BCL2L1: variants seen among roughly 807,000 people sequenced by gnomAD.
BCL2L1 encodes BCL2 like 1.
BCL2L1 carries 1 observed loss-of-function variant against 18.7 expected under a neutral mutation model. That is an observed-to-expected ratio of 0.05 (90% CI 0.02 to 0.25). BCL2L1 has a LOEUF of 0.25. Ranked by LOEUF, BCL2L1 falls within the 10% of genes least tolerant of loss-of-function variation. The pLI is 1.00. For missense variants in BCL2L1, 207 were observed against 304.9 expected (o/e 0.68, Z 2.39); for synonymous variants, 103 against 122.7 (o/e 0.84, Z 1.06).
intron 2 of BCL2L1, among the ~76,000 whole-genome samples, chr20:31,719,886 A>C (rs950580589): frequency 6.6e-6 from 1 of 152,214 alleles, no homozygotes; most frequent in Non-Finnish European, 1.5e-5. Flanking sequence ...AAGCAGCCTC[A>C]ATCCCTACTT....
upstream of BCL2L1, chr20:31,723,629 CG>C (rs1195618965): frequency 2.0e-5 from 20 of 985,380 alleles, no homozygotes; most frequent in Non-Finnish European, 2.4e-5. Context: ...CCCGGCGGTC[CG>C]CCCCAGCGCA....
At chr20:31,708,979 A>T (rs1464446407) in intron 2 of BCL2L1, among the ~76,000 whole-genome samples, 1 of 152,174 alleles carries the variant, frequency 6.6e-6, no homozygotes, top group Non-Finnish European at 1.5e-5. Context: ...AGCTTACCTG[A>T]TCTGCAGGTT....
In BCL2L1 at chr20:31,680,617, T is replaced by C. The variant is rs539636385; in HGVS notation, c.565-14531A>G. Among the ~76,000 whole-genome samples, 117 of 152,336 alleles carry C rather than the reference T, an allele frequency of 7.7e-4. 1 individual carries two copies. The highest frequency in any genetic ancestry group is 6.8e-3 in the Middle Eastern group (2 of 294). On this transcript the variant is annotated intron_variant, in intron 2 of 2. Transcript: ENST00000307677. Reference sequence around the variant, plus strand: ...CCTATTTGTAAGCCAGGCTGACCTATGGAGTTGTAGGAAGGCCCAGACAGG... The same window carrying C: ...CCTATTTGTAAGCCAGGCTGACCTACGGAGTTGTAGGAAGGCCCAGACAGG...
intron 2 of BCL2L1, among the ~76,000 whole-genome samples, chr20:31,709,682 A>G (rs530708994): frequency 6.6e-6 from 1 of 151,606 alleles, no homozygotes; most frequent in Non-Finnish European, 1.5e-5. Flanking sequence ...AAATACAAAA[A>G]AAATTAGCCG....
At chr20:31,673,652 A>C (rs947844921) in intron 2 of BCL2L1, among the ~76,000 whole-genome samples, 2 of 152,134 alleles carry the variant, frequency 1.3e-5, no homozygotes, top group Non-Finnish European at 2.9e-5. Context: ...CCCTGTCTCA[A>C]AAAAACAAAA....
intron 2 of BCL2L1, among the ~76,000 whole-genome samples, chr20:31,715,475 T>C (rs903367032): frequency 1.1e-4 from 17 of 152,220 alleles, no homozygotes; most frequent in Admixed American, 8.5e-4. Context: ...ATGTCAAGCA[T>C]GCTCCCTCCT....
In BCL2L1 at chr20:31,665,282, A is replaced by G. The variant is rs1009778373; in HGVS notation, c.*667T>C. The G allele has an allele frequency of 6.4e-6, 1 of 155,890 alleles. No homozygotes were observed. The highest frequency in any genetic ancestry group is 2.4e-5 in the African/African-American group (1 of 41,464). The allele number at this position is 155,890 out of a possible 1,614,324, so 9.7% of individuals were successfully genotyped here. A position where few individuals can be genotyped will look rare whatever the true frequency, so the allele number is the denominator to read the frequency against. ...TTGGCATGGGGTGCTTCCTGTAGCT[A>G]TAGCCCCCTCCCTCCTGGGTGGGGC... is the stretch of plus-strand genomic sequence containing the variant. On this transcript the variant is annotated 3_prime_UTR_variant, in exon 3 of 3. Coordinates refer to ENST00000307677, the MANE Select transcript of BCL2L1 (RefSeq NM_138578.3).
upstream of BCL2L1, chr20:31,723,607 A>G (rs1281008579): frequency 8.1e-6 from 8 of 985,312 alleles, no homozygotes; most frequent in Middle Eastern, 5.2e-4. Flanking sequence ...TCCTGAGAGG[A>G]GGGGCCTCGC....
intron 2 of BCL2L1, among the ~76,000 whole-genome samples, chr20:31,679,717 G>A (rs2060825616): frequency 6.6e-6 from 1 of 152,212 alleles, no homozygotes; most frequent in African/African-American, 2.4e-5. Flanking sequence ...AGGCTGGAGT[G>A]CAGTGGTGTG....
At chr20:31,699,940 C>T (rs951183178) in intron 2 of BCL2L1, among the ~76,000 whole-genome samples, 2 of 152,144 alleles carry the variant, frequency 1.3e-5, no homozygotes, top group Non-Finnish European at 2.9e-5. Flanking sequence ...ATCTATAACA[C>T]AAAAGGAAAC....
intron 2 of BCL2L1, among the ~76,000 whole-genome samples, chr20:31,669,515 C>T (rs954239519): frequency 1.3e-5 from 2 of 149,972 alleles, no homozygotes; most frequent in East Asian, 3.9e-4. Flanking sequence ...TGCAGTGGTG[C>T]AATCTTGGCT....
At position 31,674,214 on chromosome 20, in the gene BCL2L1, C is replaced by T. The variant is rs188383552; in HGVS notation, c.565-8128G>A. Among the ~76,000 whole-genome samples the T allele has an allele frequency of 2.6e-5, 4 of 152,300 alleles. No homozygotes were observed. The East Asian group carries it at 5.8e-4, about 22-fold the overall frequency. Reference sequence around the variant, plus strand: ...CTGACTTCCTTAGTGACTTCAGCAGCAGCGCACACTTCCTGAGCACATACT... The same window carrying T: ...CTGACTTCCTTAGTGACTTCAGCAGTAGCGCACACTTCCTGAGCACATACT... On this transcript the variant is annotated intron_variant, in intron 2 of 2. Coordinates refer to ENST00000307677, the MANE Select transcript of BCL2L1 (RefSeq NM_138578.3).
intron 2 of BCL2L1, chr20:31,721,412 A>G: frequency 2.0e-6 from 1 of 506,290 alleles, no homozygotes; most frequent in Non-Finnish European, 3.4e-6. Flanking sequence ...CTGGAACACA[A>G]GTATGGAATA....
At chr20:31,703,633 A>G (rs925421275) in intron 2 of BCL2L1, among the ~76,000 whole-genome samples, 9 of 150,368 alleles carry the variant, frequency 6.0e-5, no homozygotes, top group Non-Finnish European at 1.3e-4. Context: ...CTGAGAATAC[A>G]GTCATGCACC....
intron 2 of BCL2L1, among the ~76,000 whole-genome samples, chr20:31,674,854 G>A (rs1290692135): frequency 6.0e-5 from 8 of 133,226 alleles, no homozygotes; most frequent in Admixed American, 8.2e-5. Context: ...CAGCCAGGGC[G>A]ACAGAATGAG....
chr20:31,679,870 G>A (rs913563532), intron 2 of BCL2L1, among the ~76,000 whole-genome samples: 12 of 152,110 alleles, frequency 7.9e-5, no homozygotes, highest in African/African-American at 2.7e-4. Context: ...TAGTGGAAAT[G>A]GGGTTTCGCT....
chr20:31,700,423 C>G (rs1457547565), intron 2 of BCL2L1, among the ~76,000 whole-genome samples: 4 of 152,170 alleles, frequency 2.6e-5, no homozygotes, highest in Non-Finnish European at 5.9e-5. Flanking sequence ...TATTGGGATA[C>G]CAGGGCTGCC....
intron 2 of BCL2L1, among the ~76,000 whole-genome samples, chr20:31,719,734 C>T (rs936926689): frequency 6.6e-6 from 1 of 152,190 alleles, no homozygotes; most frequent in African/African-American, 2.4e-5. Flanking sequence ...GGGCAGCTGG[C>T]AATTCTCTGG....
At chr20:31,669,399 C>T (rs1178154977) in intron 2 of BCL2L1, among the ~76,000 whole-genome samples, 1 of 151,398 alleles carries the variant, frequency 6.6e-6, no homozygotes, top group East Asian at 1.9e-4. Flanking sequence ...AGCTGTACTT[C>T]TCATAACTAG....
Sources: allele counts gnomAD v4.1 joint callset (sites outside exome capture counted in the v4.1 genomes callset), GRCh38; gene constraint gnomAD v4.1.1; transcripts MANE v1.5; gene names NCBI Gene and HGNC (gene_info 2026-07-23, HGNC 2026-07-21).